The following HS6ST2 variants were observed in gnomAD, a reference collection of about 807,000 sequenced individuals.
The protein encoded by HS6ST2 is heparan-sulfate 6-O-sulfotransferase 2.
In HS6ST2, 17 loss-of-function variants were observed where a neutral mutation model predicts 33.0. The ratio of observed to expected loss-of-function variants is 0.52; its 90% CI spans 0.35 to 0.77. HS6ST2 has a LOEUF of 0.77. Among genes scored for constraint, HS6ST2 ranks in the 30% least tolerant of loss-of-function variants. The probability of loss-of-function intolerance (pLI) is 0.01; values close to 1 mark genes in which losing one functional copy is unlikely to be tolerated. For missense variants in HS6ST2, 519 were observed against 551.7 expected, an observed-to-expected ratio of 0.94 and a Z score of 0.59; for synonymous variants, 248 against 237.1, an observed-to-expected ratio of 1.05 and a Z score of -0.42.
intron 4 of HS6ST2, among the ~76,000 whole-genome samples, chrX:132,632,171 T>G (rs141213378): frequency 7.8e-4 from 87 of 111,601 alleles, no homozygotes; most frequent in Non-Finnish European, 1.3e-3. Flanking sequence ...AACAGCCACC[T>G]AGACTCATAT....
chrX:132,718,865 GTCTC>G (rs201499423), intron 2 of HS6ST2, among the ~76,000 whole-genome samples: 31 of 107,014 alleles, frequency 2.9e-4, no homozygotes, highest in Admixed American at 1.2e-3. Context: ...GACAGATCAG[GTCTC>G]TCTCTCTCTC....
intron 2 of HS6ST2, among the ~76,000 whole-genome samples, chrX:132,922,169 G>A (rs922509756): frequency 3.6e-5 from 4 of 111,568 alleles, no homozygotes; most frequent in South Asian, 3.7e-4. Flanking sequence ...TTGGGAGGCC[G>A]AGGCAGGCGG....
intron 2 of HS6ST2, among the ~76,000 whole-genome samples, chrX:132,897,321 G>A (rs1021353111): frequency 2.7e-5 from 3 of 110,752 alleles, no homozygotes; most frequent in African/African-American, 6.6e-5. Context: ...AAATAATGCC[G>A]AGATTGATTT....
At chrX:132,634,140 T>C (rs2063537737) in intron 4 of HS6ST2, among the ~76,000 whole-genome samples, 1 of 112,430 alleles carries the variant, frequency 8.9e-6, no homozygotes, top group African/African-American at 3.2e-5. Flanking sequence ...ACATCTACAT[T>C]CTGATTATAT....
At chrX:132,883,464 G>C (rs1021358003) in intron 2 of HS6ST2, among the ~76,000 whole-genome samples, 1 of 110,858 alleles carries the variant, frequency 9.0e-6, no homozygotes, top group Non-Finnish European at 1.9e-5. Flanking sequence ...CTGTGGAATC[G>C]GTGGTGATAT....
chrX:132,835,221 T>C (rs2065629475), intron 2 of HS6ST2, among the ~76,000 whole-genome samples: 1 of 111,511 alleles, frequency 9.0e-6, no homozygotes, highest in Non-Finnish European at 1.9e-5. Flanking sequence ...TTTGAGGACA[T>C]CTTAACCTTT....
At chrX:132,828,709 C>T (rs866507959) in intron 2 of HS6ST2, among the ~76,000 whole-genome samples, 37,583 of 79,980 alleles carry the variant, frequency 0.47, 9,301 homozygotes, top group African/African-American at 0.63. Flanking sequence ...CACACACACA[C>T]ACACACACAC....
intron 2 of HS6ST2, among the ~76,000 whole-genome samples, chrX:132,947,737 G>A (rs966978480): frequency 2.7e-5 from 3 of 111,666 alleles, no homozygotes; most frequent in African/African-American, 9.8e-5. Flanking sequence ...CTTAACTGGT[G>A]AGTTTAGTCA....
chrX:132,721,540 T>G (rs1300577759), intron 2 of HS6ST2, among the ~76,000 whole-genome samples: 1 of 112,366 alleles, frequency 8.9e-6, no homozygotes, highest in Non-Finnish European at 1.9e-5. Context: ...TGTTGTAAGC[T>G]TTCATTAGAT....
chrX:132,929,336 CAT>C (rs1251065999), intron 2 of HS6ST2, among the ~76,000 whole-genome samples: 1 of 110,609 alleles, frequency 9.0e-6, no homozygotes, highest in African/African-American at 3.3e-5. Context: ...AGAAAACACA[CAT>C]GACAAGCCAG....
intron 2 of HS6ST2, among the ~76,000 whole-genome samples, chrX:132,829,651 C>T (rs955986485): frequency 9.0e-6 from 1 of 111,661 alleles, no homozygotes; most frequent in Non-Finnish European, 1.9e-5. Context: ...CACTACATAT[C>T]AAGGGCCTTA....
At chrX:132,659,595 G>A (rs944259685) in intron 4 of HS6ST2, among the ~76,000 whole-genome samples, 1 of 111,711 alleles carries the variant, frequency 9.0e-6, no homozygotes, top group Non-Finnish European at 1.9e-5. Context: ...GCCTCCAGCA[G>A]CAGGACCAGT....
intron 2 of HS6ST2, among the ~76,000 whole-genome samples, chrX:132,752,655 T>C (rs1018578464): frequency 1.8e-5 from 2 of 111,354 alleles, no homozygotes; most frequent in Admixed American, 1.9e-4. Flanking sequence ...GCAAAACACA[T>C]CTTTCTGCCA....
chrX:132,722,884 C>CAAAAAAAAAAA, intron 2 of HS6ST2, among the ~76,000 whole-genome samples: 2 of 82,289 alleles, frequency 2.4e-5, no homozygotes, highest in East Asian at 4.2e-4. Context: ...AATAAAAAAA[C>CAAAAAAAAAAA]AAAAAAAAAA....
At chrX:132,648,428 C>T (rs1047134286) in intron 4 of HS6ST2, among the ~76,000 whole-genome samples, 3 of 108,437 alleles carry the variant, frequency 2.8e-5, no homozygotes, top group African/African-American at 6.8e-5. Flanking sequence ...CATCTCTCAG[C>T]TAAAACAACT....
At chrX:132,708,424 C>T (rs149396217) in intron 3 of HS6ST2, 38 bp downstream of exon 3, 24,115 of 997,463 alleles carry the variant, frequency 0.024, 256 homozygotes, top group Middle Eastern at 0.062. Context: ...TTCTAGCTTA[C>T]TTGGGTTCAG....
chrX:132,867,851 C>T (rs547543057), intron 2 of HS6ST2, among the ~76,000 whole-genome samples: 6 of 111,558 alleles, frequency 5.4e-5, no homozygotes, highest in South Asian at 3.8e-4. Context: ...TAAAGACCAT[C>T]GACACTATGA....
At chrX:132,648,602 T>C (rs1569477283) in intron 4 of HS6ST2, among the ~76,000 whole-genome samples, 1 of 109,940 alleles carries the variant, frequency 9.1e-6, no homozygotes, top group Non-Finnish European at 1.9e-5. Flanking sequence ...TGTAGGCAGA[T>C]GTAGAACAGT....
chrX:132,766,982 G>T (rs1447061433), intron 2 of HS6ST2, among the ~76,000 whole-genome samples: 2 of 111,977 alleles, frequency 1.8e-5, no homozygotes, highest in African/African-American at 6.5e-5. Flanking sequence ...GCTGGCAAAT[G>T]ACAGAGCTTG....
Sources: allele counts gnomAD v4.1 joint callset (sites outside exome capture counted in the v4.1 genomes callset), GRCh38; gene constraint gnomAD v4.1.1; transcripts MANE v1.5; gene names NCBI Gene and HGNC (gene_info 2026-07-23, HGNC 2026-07-21).